Variants in CACHD1 observed in about 807,000 individuals in gnomAD.
CACHD1 encodes VWFA and cache domain-containing protein 1.
In CACHD1, 71 loss-of-function variants were observed where a neutral mutation model predicts 138.7. That is an observed-to-expected ratio of 0.51 (90% confidence interval 0.42 to 0.62). The LOEUF (loss-of-function observed/expected upper bound fraction) is 0.62. CACHD1 is among the 20% of genes least tolerant of loss of function. The pLI, the probability that CACHD1 is intolerant of heterozygous loss-of-function variation, is 0.00. For missense variants in CACHD1, 1,389 were observed against 1,625.3 expected, an observed-to-expected ratio of 0.85 and a Z score of 2.50; for synonymous variants, 578 against 591.5, an observed-to-expected ratio of 0.98 and a Z score of 0.33.
intron 15 of CACHD1, among the ~76,000 whole-genome samples, chr1:64,665,591 C>T (rs1008017899): frequency 9.2e-5 from 14 of 152,172 alleles, no homozygotes; most frequent in African/African-American, 3.4e-4. Context: ...TGTGTTGATG[C>T]TACAGTCAGA....
rs1650574187 is a variant in CACHD1, at chr1:64,691,959, GA to G, written c.*400del. 19 of 227,930 alleles carry G rather than the reference GA, an allele frequency of 8.3e-5. No individual in the cohort carries two copies. The South Asian group carries it at 1.5e-3, about 18-fold the overall frequency. The allele number at this position is 227,930 out of a possible 1,614,324, so 14.1% of individuals were successfully genotyped here. On this transcript the variant is annotated 3_prime_UTR_variant, in exon 27 of 27. Coordinates refer to ENST00000651257, the MANE Select transcript of CACHD1 (RefSeq NM_020925.4). ...GAAAAATCTGCTCACCCAGAGACTG[GA>G]ATGTGGCACATGCAGATACAAATGT...
chr1:64,486,253 A>G (rs1236101466), intron 1 of CACHD1, among the ~76,000 whole-genome samples: 1 of 152,096 alleles, frequency 6.6e-6, no homozygotes, highest in Non-Finnish European at 1.5e-5. Context: ...TTAAATTTGT[A>G]GCATTATGCA....
At chr1:64,554,607 A>G (rs1172750033) in intron 2 of CACHD1, among the ~76,000 whole-genome samples, 1 of 152,248 alleles carries the variant, frequency 6.6e-6, no homozygotes, top group East Asian at 1.9e-4. Context: ...CTGATTACTA[A>G]TGAAGTTGAA....
intron 2 of CACHD1, among the ~76,000 whole-genome samples, chr1:64,571,385 C>T (rs1245688432): frequency 6.6e-6 from 1 of 152,086 alleles, no homozygotes; most frequent in Non-Finnish European, 1.5e-5. Flanking sequence ...TGTAATTGAG[C>T]TCATAGTATC....
chr1:64,561,564 GT>G (rs1440812383), intron 2 of CACHD1, among the ~76,000 whole-genome samples: 1 of 152,100 alleles, frequency 6.6e-6, no homozygotes, highest in Non-Finnish European at 1.5e-5. Context: ...TACAGAAAAT[GT>G]TTCTTGGCTA....
At chr1:64,501,495 C>A (rs1362223328) in intron 1 of CACHD1, among the ~76,000 whole-genome samples, 2 of 152,128 alleles carry the variant, frequency 1.3e-5, no homozygotes, top group Non-Finnish European at 2.9e-5. Flanking sequence ...TGATTTATGC[C>A]TTTTTGTGTT....
chr1:64,541,436 C>T (rs1646676541), intron 1 of CACHD1, among the ~76,000 whole-genome samples: 1 of 152,156 alleles, frequency 6.6e-6, no homozygotes, highest in Non-Finnish European at 1.5e-5. Context: ...GGACATATTA[C>T]TTTGATTGTA....
At chr1:64,667,003 AAAATT>A (rs1465359673) in intron 16 of CACHD1, among the ~76,000 whole-genome samples, 1 of 152,162 alleles carries the variant, frequency 6.6e-6, no homozygotes, top group Non-Finnish European at 1.5e-5. Flanking sequence ...TATCTCTTGA[AAAATT>A]AAAAGGCTTT....
At chr1:64,513,339 T>C (rs1191685631) in intron 1 of CACHD1, among the ~76,000 whole-genome samples, 1 of 152,308 alleles carries the variant, frequency 6.6e-6, no homozygotes, top group Non-Finnish European at 1.5e-5. Flanking sequence ...TCTTCCCCAA[T>C]TGAGAAATAC....
In CACHD1 at chr1:64,601,738, G is replaced by A. The variant is rs542923251; in HGVS notation, c.411-1068G>A. On this transcript the variant is annotated intron_variant, in intron 3 of 26. Transcript: ENST00000651257. ...TGGTCAAATGGATATTGCTTTTTAG[G>A]AATATTTCTCCTAGCTTTATAGCTT... Among the ~76,000 whole-genome samples, 21 of 152,292 alleles carry A rather than the reference G, an allele frequency of 1.4e-4. No individual in the cohort carries two copies. The South Asian group carries it at 2.9e-3, about 21-fold the overall frequency.
Position 64,582,268 on chromosome 1 carries a change from T to C in CACHD1, c.374T>C (p.Ile125Thr), listed in dbSNP as rs771173507. 14 of 1,613,882 alleles carry C rather than the reference T, an allele frequency of 8.7e-6. No individual in the cohort carries two copies. In the African/African-American group the frequency reaches 1.5e-4, roughly 17 times the overall value. Reference sequence around the variant, plus strand: ...CACCTAACCTCTCCCCTAACTGCAATTCAAGACTGCTGTACTATCCCACCT... The same window carrying C: ...CACCTAACCTCTCCCCTAACTGCAACTCAAGACTGCTGTACTATCCCACCT... ...TAHLTSPLTAIQDCCTIPPSM... is the reference protein window; with the variant it reads ...TAHLTSPLTATQDCCTIPPSM... Residue 125 changes from isoleucine (I) to threonine (T), a missense_variant, in exon 3 of 27, where the codon ATT becomes ACT. Transcript: ENST00000651257.
At chr1:64,602,591 T>C (rs1026724656) in intron 3 of CACHD1, among the ~76,000 whole-genome samples, 1 of 152,142 alleles carries the variant, frequency 6.6e-6, no homozygotes, top group African/African-American at 2.4e-5. Context: ...GTTGTTTTTA[T>C]CTTTGAATTG....
intron 9 of CACHD1, among the ~76,000 whole-genome samples, chr1:64,648,933 T>C (rs147132513): frequency 3.3e-4 from 51 of 152,352 alleles, no homozygotes; most frequent in South Asian, 6.2e-4. Context: ...TCCTCCTCCA[T>C]GTTCTTACTT....
In CACHD1 at chr1:64,582,241, C is replaced by G. The variant is rs781571263; in HGVS notation, c.347C>G (p.Ala116Gly). The G allele has an allele frequency of 5.0e-6, 8 of 1,613,922 alleles. No homozygotes were observed. In the Admixed American group the frequency reaches 1.2e-4, roughly 24 times the overall value. Residue 116 changes from alanine (A) to glycine (G), a missense_variant, in exon 3 of 27, where the codon GCT becomes GGT. Physicochemically the swap from Ala to Gly is moderately conservative, Grantham distance 60. This residue lies in a region of CACHD1 where 1,000 missense variants were observed against 1,114.7 expected (regional missense o/e 0.90). Coordinates refer to ENST00000651257, the MANE Select transcript of CACHD1 (RefSeq NM_020925.4). ...NKQVVEASYT[A>G]HLTSPLTAIQ... ...CAAGTTGTAGAAGCATCCTATACGGCTCACCTAACCTCTCCCCTAACTGCA... is the reference window on the plus strand; with the variant it reads ...CAAGTTGTAGAAGCATCCTATACGGGTCACCTAACCTCTCCCCTAACTGCA...
chr1:64,601,307 A>G (rs772976598), intron 3 of CACHD1, among the ~76,000 whole-genome samples: 1 of 152,184 alleles, frequency 6.6e-6, no homozygotes, highest in Non-Finnish European at 1.5e-5. Flanking sequence ...AAGTGAGATT[A>G]TAGTGATAGT....
At chr1:64,618,124 T>C (rs1247036620) in intron 4 of CACHD1, among the ~76,000 whole-genome samples, 3 of 149,142 alleles carry the variant, frequency 2.0e-5, no homozygotes, top group Admixed American at 2.0e-4. Context: ...GTTTCCTGAA[T>C]AATAAATAAA....
chr1:64,600,899 C>A (rs540189656), intron 3 of CACHD1, among the ~76,000 whole-genome samples: 1 of 152,300 alleles, frequency 6.6e-6, no homozygotes, highest in South Asian at 2.1e-4. Flanking sequence ...AGCCACTCTT[C>A]AGTGACTATT....
chr1:64,534,363 GTTATT>G (rs1417329041), intron 1 of CACHD1, among the ~76,000 whole-genome samples: 1 of 152,094 alleles, frequency 6.6e-6, no homozygotes, highest in African/African-American at 2.4e-5. Context: ...TTTCTGTTGT[GTTATT>G]TTATCTCTGA....
At chr1:64,678,715 A>T (rs1234359719) in intron 23 of CACHD1, among the ~76,000 whole-genome samples, 1 of 152,200 alleles carries the variant, frequency 6.6e-6, no homozygotes. Flanking sequence ...GAAGTCTTAT[A>T]GCTACAAATC....
Sources: gnomAD v4.1 joint callset for allele counts (sites outside exome capture counted in the v4.1 genomes callset) on GRCh38, gnomAD v4.1.1 for gene constraint, gnomAD v4.1.1 regional missense constraint, MANE v1.5 for transcripts, NCBI Gene and HGNC (gene_info 2026-07-23, HGNC 2026-07-21) for gene names.